SKA3: variants seen among roughly 807,000 people sequenced by gnomAD.
SKA3 encodes the protein spindle and kinetochore associated complex subunit 3, also known as spindle and kinetochore-associated protein 3.
In SKA3, 39 loss-of-function variants were observed where a neutral mutation model predicts 44.2. That is an observed-to-expected ratio of 0.88 (90% CI 0.68 to 1.15). The LOEUF is 1.15. Ranked by LOEUF, SKA3 falls within the 50% of genes most tolerant of loss-of-function variation. The probability of loss-of-function intolerance (pLI) is 0.00; values close to 1 mark genes in which losing one functional copy is unlikely to be tolerated. For missense variants in SKA3, 511 were observed against 485.8 expected (o/e 1.05, Z -0.49); for synonymous variants, 192 against 172.0 (o/e 1.12, Z -0.91).
At chr13:21,176,308 C>A in intron 1 of SKA3, 67 bp downstream of exon 1, 1 of 1,199,912 alleles carries the variant, frequency 8.3e-7, no homozygotes, top group Non-Finnish European at 1.1e-6. Context: ...ACATACCGTC[C>A]ACTCGCCACG....
chr13:21,165,708 G>A (rs1217561471), intron 4 of SKA3, among the ~76,000 whole-genome samples: 1 of 152,054 alleles, frequency 6.6e-6, no homozygotes, highest in Non-Finnish European at 1.5e-5. Context: ...GCTGAGACAG[G>A]TGGATTACTT....
chr13:21,170,470 G>A (rs571436920), intron 3 of SKA3, among the ~76,000 whole-genome samples: 1 of 152,160 alleles, frequency 6.6e-6, no homozygotes, highest in African/African-American at 2.4e-5. Flanking sequence ...ATGAGCCACC[G>A]TGCCTGGCCG....
chr13:21,158,610 G>C (rs1870266026), intron 6 of SKA3, among the ~76,000 whole-genome samples: 1 of 152,100 alleles, frequency 6.6e-6, no homozygotes, highest in South Asian at 2.1e-4. Context: ...GACAGAGTGA[G>C]ACTCCGTCAC....
chr13:21,172,837 G>T, intron 1 of SKA3, 156 bp from the exon 2 acceptor site: 3 of 334,334 alleles, frequency 9.0e-6, no homozygotes, highest in Non-Finnish European at 1.7e-5. Context: ...ATTTTTTACC[G>T]TACCTTTTTT....
In SKA3 at chr13:21,161,830, A is replaced by G; in HGVS notation, c.789T>C (p.Phe263=). ...GCTGGATGATGGGGCTGGGAGTGGC[A>G]AAAACATTATCATTGAGCCTGGATT... ...DTESRLNDNV[F]ATPSPIIQQL... Residue 263 remains phenylalanine, a synonymous_variant, in exon 5 of 9, where the codon TTT becomes TTC. Transcript: ENST00000314759. 2 of 1,611,872 alleles carry G rather than the reference A, an allele frequency of 1.2e-6. No individual in the cohort carries two copies. Among genetic ancestry groups the G allele is most frequent in the Middle Eastern group, 1.7e-4 (1 of 6,052 alleles).
At chr13:21,168,515 T>C (rs1209342551) in intron 3 of SKA3, 116 bp from the exon 4 acceptor site, 2 of 861,560 alleles carry the variant, frequency 2.3e-6, no homozygotes, top group Middle Eastern at 2.7e-4. Context: ...GTTCCAATTG[T>C]CTAAACATTT....
intron 7 of SKA3, 106 bp from the exon 8 acceptor site, chr13:21,155,917 G>T: frequency 1.8e-6 from 1 of 568,566 alleles, no homozygotes; most frequent in Non-Finnish European, 2.9e-6. Context: ...GGCGGGCATG[G>T]TGGCTCACGC....
intron 1 of SKA3, 28 bp downstream of exon 1, chr13:21,176,347 C>CCG (rs1178194435): frequency 6.5e-7 from 1 of 1,537,600 alleles, no homozygotes; most frequent in Non-Finnish European, 8.8e-7. Flanking sequence ...ACCCCACGCA[C>CCG]CGTGCCCTGG....
intron 1 of SKA3, among the ~76,000 whole-genome samples, chr13:21,175,205 T>C (rs907135374): frequency 1.3e-4 from 20 of 151,292 alleles, no homozygotes; most frequent in Non-Finnish European, 1.2e-4. Flanking sequence ...CTTGAACTCC[T>C]GACCTCGGGC....
intron 3 of SKA3, among the ~76,000 whole-genome samples, chr13:21,171,322 G>A (rs7997215): frequency 0.91 from 138,626 of 152,202 alleles, 63,506 homozygotes; most frequent in East Asian, 1. Context: ...CACGCCTGTA[G>A]TCCCAGCACT....
rs1056394914 is a variant in SKA3, at chr13:21,158,148, T to G, written c.916-23A>C. The G allele has an allele frequency of 4.7e-6, 5 of 1,052,940 alleles. No individual in the cohort carries two copies. The African/African-American group carries it at 7.7e-5, about 16-fold the overall frequency. The allele number at this position is 1,052,940 out of a possible 1,614,324, so 65.2% of individuals were successfully genotyped here. ...TACCTATTGAATAAAAATAGACCAT[T>G]AAATTATGGTAATATAACATAATGT... is the stretch of plus-strand genomic sequence containing the variant. On this transcript the variant is annotated intron_variant, in intron 6 of 8. Transcript: ENST00000314759.
At chr13:21,164,112 C>A (rs1870583687) in intron 4 of SKA3, among the ~76,000 whole-genome samples, 1 of 151,990 alleles carries the variant, frequency 6.6e-6, no homozygotes, top group South Asian at 2.1e-4. Context: ...ATTGGGATGT[C>A]TGTCTTTCAC....
intron 5 of SKA3, among the ~76,000 whole-genome samples, chr13:21,161,419 A>C (rs1490868038): frequency 2.0e-5 from 3 of 152,198 alleles, no homozygotes; most frequent in Middle Eastern, 3.2e-3. Flanking sequence ...AAAGAAACCA[A>C]AATTTAAATT....
intron 1 of SKA3, among the ~76,000 whole-genome samples, chr13:21,174,431 G>T (rs1871301784): frequency 6.6e-6 from 1 of 152,146 alleles, no homozygotes. Flanking sequence ...GTCCTATGTA[G>T]GGACATGGAT....
At chr13:21,159,235 T>C (rs142766243) in intron 6 of SKA3, among the ~76,000 whole-genome samples, 84 of 152,322 alleles carry the variant, frequency 5.5e-4, no homozygotes, top group African/African-American at 2.0e-3. Flanking sequence ...GATACCCTAA[T>C]ACAGTATTGG....
intron 3 of SKA3, among the ~76,000 whole-genome samples, chr13:21,169,739 T>C (rs1448408097): frequency 6.6e-6 from 1 of 152,062 alleles, no homozygotes; most frequent in Non-Finnish European, 1.5e-5. Context: ...TGGGCTCAGG[T>C]GATTCTCCTA....
intron 4 of SKA3, among the ~76,000 whole-genome samples, chr13:21,165,144 G>A (rs927820960): frequency 6.6e-6 from 1 of 151,632 alleles, no homozygotes; most frequent in South Asian, 2.1e-4. Context: ...AATTGTTCCA[G>A]TATAACTTAC....
At position 21,170,019 on chromosome 13, in the gene SKA3, T is replaced by C. The variant is rs1215423566; in HGVS notation, c.332-1620A>G. Among the ~76,000 whole-genome samples the C allele has an allele frequency of 2.6e-5, 4 of 152,118 alleles. No individual in the cohort carries two copies. In the South Asian group the frequency reaches 8.3e-4, roughly 31 times the overall value. On this transcript the variant is annotated intron_variant, in intron 3 of 8. Coordinates refer to ENST00000314759, the MANE Select transcript of SKA3 (RefSeq NM_145061.6). ...ACACAGAGTATGATATTATTTTAGA[T>C]TCGTAACTTCCAGATGCCTCAGCTA...
In SKA3 at chr13:21,167,974, A is replaced by G. The variant is rs778751463; in HGVS notation, c.743+14T>C. The G allele has an allele frequency of 4.4e-6, 5 of 1,129,096 alleles. No individual in the cohort carries two copies. The South Asian group carries it at 1.1e-4, about 26-fold the overall frequency. 69.9% of individuals were successfully genotyped at this position (1,129,096 alleles called of 1,614,324 possible). A position where few individuals can be genotyped will look rare whatever the true frequency, so the allele number is the denominator to read the frequency against. The stretch of plus-strand genomic sequence containing the variant: ...AAAGCTAGATAAAATATGCCTTTTA[A>G]CAGAGCTGCTTACCTTTTATTATTC... On this transcript the variant is annotated intron_variant, in intron 4 of 8. Transcript: ENST00000314759.
Sources: gnomAD v4.1 joint callset for allele counts (sites outside exome capture counted in the v4.1 genomes callset) on GRCh38, gnomAD v4.1.1 for gene constraint, MANE v1.5 for transcripts, NCBI Gene and HGNC (gene_info 2026-07-23, HGNC 2026-07-21) for gene names.